The following RAPGEF6 variants were observed in gnomAD, a reference collection of about 807,000 sequenced individuals.
The protein encoded by RAPGEF6 is Rap guanine nucleotide exchange factor 6.
Under a neutral mutation model 171.4 loss-of-function variants are expected in RAPGEF6, and 56 were observed. The ratio of observed to expected loss-of-function variants is 0.33; its 90% CI spans 0.26 to 0.41. The LOEUF is 0.41. Ranked by LOEUF, RAPGEF6 falls within the 10% of genes least tolerant of loss-of-function variation. The pLI, the probability that RAPGEF6 is intolerant of heterozygous loss-of-function variation, is 1.00. For missense variants in RAPGEF6, 1,674 were observed against 1,921.4 expected (o/e 0.87, Z 2.41); for synonymous variants, 692 against 650.1 (o/e 1.06, Z -0.98).
chr5:131,501,803 C>T (rs1381853007), intron 11 of RAPGEF6, among the ~76,000 whole-genome samples: 1 of 151,988 alleles, frequency 6.6e-6, no homozygotes, highest in Non-Finnish European at 1.5e-5. Flanking sequence ...GGTGCTGGTA[C>T]TGGAACTGGA....
intron 1 of RAPGEF6, among the ~76,000 whole-genome samples, chr5:131,619,989 T>C (rs561476932): frequency 1.8e-4 from 28 of 152,324 alleles, no homozygotes; most frequent in Admixed American, 5.2e-4. Flanking sequence ...ATTAAATGTA[T>C]ATAAAGTTTT....
intron 6 of RAPGEF6, among the ~76,000 whole-genome samples, chr5:131,538,062 A>G (rs1759890428): frequency 6.6e-6 from 1 of 152,166 alleles, no homozygotes; most frequent in Admixed American, 6.6e-5. Flanking sequence ...ACTGCATTCT[A>G]GTCTAGTTGA....
chr5:131,430,318 TA>T (rs900971440), intron 26 of RAPGEF6, among the ~76,000 whole-genome samples: 7 of 147,772 alleles, frequency 4.7e-5, no homozygotes, highest in Admixed American at 6.8e-5. Flanking sequence ...GGCCAAATAC[TA>T]AAAAAAAAAG....
At chr5:131,434,321 C>A (rs2149807640) in intron 24 of RAPGEF6, among the ~76,000 whole-genome samples, 1 of 152,346 alleles carries the variant, frequency 6.6e-6, no homozygotes. Flanking sequence ...TAGCTCACTG[C>A]AGCTTCGAAC....
chr5:131,542,026 T>C (rs1760188437), intron 6 of RAPGEF6, among the ~76,000 whole-genome samples: 1 of 152,226 alleles, frequency 6.6e-6, no homozygotes, highest in Non-Finnish European at 1.5e-5. Context: ...TAACTACTTT[T>C]ATCTTTCAAG....
rs1751420752 is a variant in RAPGEF6, at chr5:131,426,927, T to C, written c.*339A>G. 1 of 257,590 alleles carries C rather than the reference T, an allele frequency of 3.9e-6. No homozygotes were observed. The highest frequency in any genetic ancestry group is 7.3e-6 in the Non-Finnish European group (1 of 137,768). The allele number at this position is 257,590 out of a possible 1,614,324, so 16.0% of individuals were successfully genotyped here. On this transcript the variant is annotated 3_prime_UTR_variant, in exon 28 of 28. Coordinates refer to ENST00000509018, the MANE Select transcript of RAPGEF6 (RefSeq NM_016340.6). Reference sequence around the variant, plus strand: ...CTTGGAAATAATAATGCCATTATCTTTAAAATAGCTTGTTAAAGAAAAATC... The same window carrying C: ...CTTGGAAATAATAATGCCATTATCTCTAAAATAGCTTGTTAAAGAAAAATC...
chr5:131,629,237 T>TG (rs557338515), intron 1 of RAPGEF6, among the ~76,000 whole-genome samples: 88 of 152,162 alleles, frequency 5.8e-4, no homozygotes, highest in African/African-American at 2.1e-3. Context: ...CCCAACACTT[T>TG]GGGAGGCTGA....
intron 3 of RAPGEF6, among the ~76,000 whole-genome samples, chr5:131,602,196 G>C (rs1365616599): frequency 1.3e-5 from 2 of 152,108 alleles, no homozygotes; most frequent in Non-Finnish European, 2.9e-5. Flanking sequence ...ACATCATAGA[G>C]TGTACTTAAC....
chr5:131,523,279 C>CTTTTTTTTT (rs1171953953), intron 6 of RAPGEF6, among the ~76,000 whole-genome samples: 36 of 66,660 alleles, frequency 5.4e-4, no homozygotes, highest in South Asian at 1.0e-3. Flanking sequence ...CTGTTGTATG[C>CTTTTTTTTT]TTTTTTTTTT....
chr5:131,570,468 G>A (rs1467536661), intron 4 of RAPGEF6, among the ~76,000 whole-genome samples: 1 of 152,092 alleles, frequency 6.6e-6, no homozygotes, highest in Admixed American at 6.5e-5. Flanking sequence ...TAATAAAGAA[G>A]TGAAAACACA....
At chr5:131,527,307 A>AC (rs1349914549) in intron 6 of RAPGEF6, among the ~76,000 whole-genome samples, 7 of 150,944 alleles carry the variant, frequency 4.6e-5, no homozygotes, top group African/African-American at 1.5e-4. Context: ...CAACAACAAA[A>AC]AAAAACAGCT....
intron 4 of RAPGEF6, among the ~76,000 whole-genome samples, chr5:131,591,493 T>C (rs970315462): frequency 2.0e-5 from 3 of 152,212 alleles, no homozygotes; most frequent in Non-Finnish European, 2.9e-5. Context: ...TATGCTCATT[T>C]TACAAATGAG....
chr5:131,604,699 G>C lies in RAPGEF6; in HGVS notation c.70-6C>G. 1 of 1,593,338 alleles carries C rather than the reference G, an allele frequency of 6.3e-7. No individual in the cohort carries two copies. Among genetic ancestry groups the C allele is most frequent in the Non-Finnish European group, 8.5e-7 (1 of 1,173,034 alleles). On this transcript the variant is annotated splice_region_variant and splice_polypyrimidine_tract_variant and intron_variant, in intron 1 of 27. Transcript: ENST00000509018. ...GAATAAATAGTATTTAAGTCCTGTG[G>C]AACAGAAGAAAAAAATTAGATTATT...
chr5:131,442,732 G>T (rs1752465444), intron 22 of RAPGEF6, among the ~76,000 whole-genome samples, 195 bp from the exon 23 acceptor site: 2 of 152,132 alleles, frequency 1.3e-5, no homozygotes, highest in African/African-American at 2.4e-5. Flanking sequence ...GATAAAAAAT[G>T]TTATCTCTAA....
chr5:131,611,989 A>C (rs150632904), intron 1 of RAPGEF6, among the ~76,000 whole-genome samples: 1 of 152,238 alleles, frequency 6.6e-6, no homozygotes, highest in African/African-American at 2.4e-5. Context: ...TGACTTTACA[A>C]TGATGCAAAA....
At chr5:131,509,537 C>T (rs541142145) in intron 8 of RAPGEF6, among the ~76,000 whole-genome samples, 1 of 144,440 alleles carries the variant, frequency 6.9e-6, no homozygotes, top group African/African-American at 2.8e-5. Context: ...AGTGAGACAC[C>T]GTCTCAAAAA....
Position 131,492,722 on chromosome 5 carries a change from C to T in RAPGEF6, c.1591G>A (p.Val531Ile), listed in dbSNP as rs1271734137. Residue 531 changes from valine (V) to isoleucine (I), a missense_variant, in exon 14 of 28, where the codon GTT (valine) becomes ATT (isoleucine). Transcript: ENST00000509018. ...TCGCGGGAAGCCTTTTGCAGCACAACCTGTCTCCACTTAGCCTTTGCAGCA... is the reference window on the plus strand; with the variant it reads ...TCGCGGGAAGCCTTTTGCAGCACAATCTGTCTCCACTTAGCCTTTGCAGCA... ...ACAAKAKWRQ[V>I]VLQKASRESP... 2 of 1,614,110 alleles carry T rather than the reference C, an allele frequency of 1.2e-6. No individual in the cohort carries two copies. Among genetic ancestry groups the T allele is most frequent in the African/African-American group, 1.3e-5 (1 of 75,042 alleles).
At chr5:131,594,642 A>G (rs1763786380) in intron 3 of RAPGEF6, among the ~76,000 whole-genome samples, 1 of 152,358 alleles carries the variant, frequency 6.6e-6, no homozygotes, top group East Asian at 1.9e-4. Context: ...ACTCAACGCC[A>G]GCCCATGAAG....
chr5:131,569,820 C>G (rs1762166388), intron 4 of RAPGEF6, among the ~76,000 whole-genome samples: 1 of 152,128 alleles, frequency 6.6e-6, no homozygotes, highest in South Asian at 2.1e-4. Flanking sequence ...GTGGGCAGAT[C>G]ACTTGAGGTC....
Sources: gnomAD v4.1 joint callset for allele counts (sites outside exome capture counted in the v4.1 genomes callset) on GRCh38, gnomAD v4.1.1 for gene constraint, MANE v1.5 for transcripts, NCBI Gene and HGNC (gene_info 2026-07-23, HGNC 2026-07-21) for gene names.